The following SERPINF2 variants were observed in gnomAD, a reference collection of about 807,000 sequenced individuals.
The protein encoded by SERPINF2 is alpha-2-antiplasmin.
Under a neutral mutation model 45.0 loss-of-function variants are expected in SERPINF2, and 15 were observed. The ratio of observed to expected loss-of-function variants is 0.33; its 90% CI spans 0.22 to 0.51. SERPINF2 has a LOEUF of 0.51. Ranked by LOEUF, SERPINF2 falls within the 20% of genes least tolerant of loss-of-function variation. SERPINF2 has a pLI of 0.97. For synonymous variants in SERPINF2, 283 were observed against 277.9 expected (o/e 1.02, Z -0.18); for missense variants, 518 against 637.4 (o/e 0.81, Z 2.02).
chr17:1,746,707 G>A (rs762043823), intron 5 of SERPINF2, among the ~76,000 whole-genome samples: 2 of 152,132 alleles, frequency 1.3e-5, no homozygotes, highest in Non-Finnish European at 2.9e-5. Flanking sequence ...GATTACAGGC[G>A]TGAGCCACCG....
chr17:1,750,047 C>T (rs1748257939), intron 8 of SERPINF2, among the ~76,000 whole-genome samples: 1 of 151,870 alleles, frequency 6.6e-6, no homozygotes, highest in Middle Eastern at 3.4e-3. Flanking sequence ...GATCTCGGCT[C>T]ACTGCAGCCT....
intron 9 of SERPINF2, 88 bp downstream of exon 9, chr17:1,752,878 C>A: frequency 1.7e-6 from 2 of 1,174,848 alleles, no homozygotes; most frequent in Non-Finnish European, 2.4e-6. Context: ...GGAGCTGAGT[C>A]AGAGCTGTCC....
At chr17:1,746,877 C>G in intron 5 of SERPINF2, 142 bp from the exon 6 acceptor site, 2 of 1,173,832 alleles carry the variant, frequency 1.7e-6, no homozygotes, top group South Asian at 1.5e-5. Context: ...GTGAGAGCCA[C>G]GCAGAACAGA....
chr17:1,744,847 T>TG (rs1261420888), intron 1 of SERPINF2, 145 bp from the exon 2 acceptor site: 2 of 1,532,342 alleles, frequency 1.3e-6, no homozygotes, highest in African/African-American at 1.4e-5. Flanking sequence ...CTCGTGTGTT[T>TG]GGGGTCTGTT....
At chr17:1,748,302 TAAAA>T (rs552756412) in intron 7 of SERPINF2, among the ~76,000 whole-genome samples, 1 of 140,954 alleles carries the variant, frequency 7.1e-6, no homozygotes. Context: ...AGACTCCGTC[TAAAA>T]AAAAAAAAAA....
At chr17:1,752,929 G>C (rs1336487005) in intron 9 of SERPINF2, 139 bp downstream of exon 9, 20 of 743,142 alleles carry the variant, frequency 2.7e-5, no homozygotes, top group Non-Finnish European at 3.9e-5. Flanking sequence ...GCGGGGAGAG[G>C]GTTGAATATG....
Position 1,745,258 on chromosome 17 carries a change from GT to G in SERPINF2, c.102+46del. 1 of 1,596,258 alleles carries G rather than the reference GT, an allele frequency of 6.3e-7. No individual in the cohort carries two copies. The highest frequency in any genetic ancestry group is 8.5e-7 in the Non-Finnish European group (1 of 1,171,980). ...CTGTGATGGGGGGAAGGTCCCGGGG[GT>G]CTCACTGGTGGCTTGGGCAGGGTGG... is the stretch of plus-strand genomic sequence containing the variant. On this transcript the variant is annotated intron_variant, in intron 3 of 9. Coordinates refer to ENST00000453066, the MANE Select transcript of SERPINF2 (RefSeq NM_000934.4). The surrounding 1 kb of genome is among the most constrained non-coding windows in gnomAD (Gnocchi z 6.2).
Position 1,754,495 on chromosome 17 carries a change from C to A in SERPINF2, c.1437C>A (p.Pro479=). Residue 479 remains proline (P), a synonymous_variant, in exon 10 of 10, where the codon CCC becomes CCA. Transcript: ENST00000453066. ...LFGPDLKLVP[P]MEEDYPQFGS... ...GCCCTGACTTAAAACTTGTGCCCCC[C>A]ATGGAGGAGGATTACCCCCAGTTTG... 1 of 1,610,718 alleles carries A rather than the reference C, an allele frequency of 6.2e-7. No homozygotes were observed. Among genetic ancestry groups the A allele is most frequent in the Non-Finnish European group, 8.5e-7 (1 of 1,178,714 alleles).
At chr17:1,750,281 T>C (rs944264732) in intron 8 of SERPINF2, among the ~76,000 whole-genome samples, 2 of 152,110 alleles carry the variant, frequency 1.3e-5, no homozygotes, top group African/African-American at 2.4e-5. Flanking sequence ...CCCGAGTAGC[T>C]TGGACTACAG....
At position 1,745,012 on chromosome 17, in the gene SERPINF2, G is replaced by T; in HGVS notation, c.17G>T (p.Gly6Val). The change falls in exon 2 of 10, where the codon GGG (glycine) becomes GTG (valine). Residue 6 changes from glycine (G) to valine (V), a missense_variant. Transcript: ENST00000453066. This position sits in a 1 kb window ranked among gnomAD's most constrained non-coding sequence, Gnocchi z 6.2. The part of the protein sequence containing the change: MALLW[G>V]LLVLSWSCLQ... ...CACAGGAACATGGCGCTGCTCTGGG[G>T]GCTCCTGGTGCTCAGCTGGTCCTGC... The T allele has an allele frequency of 6.2e-7, 1 of 1,613,852 alleles. No individual in the cohort carries two copies. The highest frequency in any genetic ancestry group is 8.5e-7 in the Non-Finnish European group (1 of 1,180,018).
rs149664001 is a variant in SERPINF2, at chr17:1,750,338, G to A, written c.858+1598G>A. Among the ~76,000 whole-genome samples, 805 of 152,064 alleles carry A rather than the reference G, an allele frequency of 5.3e-3. 32 individuals carry two copies. The East Asian group carries it at 0.1, about 20-fold the overall frequency. ...TAATTTTTGTATTTTTAGTAGAGACGGGGTTTCACCATATTGGCCAGGATG... is the reference window on the plus strand; with the variant it reads ...TAATTTTTGTATTTTTAGTAGAGACAGGGTTTCACCATATTGGCCAGGATG... On this transcript the variant is annotated intron_variant, in intron 8 of 9. Coordinates refer to ENST00000453066, the MANE Select transcript of SERPINF2 (RefSeq NM_000934.4).
intron 1 of SERPINF2, among the ~76,000 whole-genome samples, chr17:1,744,321 C>A (rs183238697): frequency 2.0e-5 from 3 of 151,908 alleles, no homozygotes; most frequent in Admixed American, 1.3e-4. Flanking sequence ...AGAGAAACCC[C>A]GTTTCTACTA....
intron 8 of SERPINF2, among the ~76,000 whole-genome samples, chr17:1,752,145 G>A (rs966875144): frequency 1.3e-4 from 19 of 151,090 alleles, no homozygotes; most frequent in African/African-American, 3.9e-4. Flanking sequence ...TCTGCCTCCC[G>A]GGTTCAAGCA....
rs1310159441 is a variant in SERPINF2 at position 1,754,321 on chromosome 17, G to A, written c.1263G>A (p.Glu421=). Residue 421 remains glutamate, a synonymous_variant, in exon 10 of 10, where the codon GAG becomes GAA. Transcript: ENST00000453066. ...GCCCCTTCCTCTTCTTCATCTTCGA[G>A]GACACCACAGGCCTTCCCCTCTTCG... is the stretch of plus-strand genomic sequence containing the variant. ...VNRPFLFFIF[E]DTTGLPLFVG... is the part of the protein sequence containing the mutation. 2 of 1,614,188 alleles carry A rather than the reference G, an allele frequency of 1.2e-6. No individual in the cohort carries two copies. Among genetic ancestry groups the A allele is most frequent in the Non-Finnish European group, 1.7e-6 (2 of 1,180,046 alleles).
chr17:1,748,527 C>G (rs1048165333), intron 7 of SERPINF2, 71 bp from the exon 8 acceptor site: 32 of 1,588,304 alleles, frequency 2.0e-5, no homozygotes, highest in Non-Finnish European at 2.7e-5. Flanking sequence ...TGGTCCCCAT[C>G]GACGTGACCC....
In SERPINF2 at chr17:1,754,525, C is replaced by T. The variant is rs1312149613; in HGVS notation, c.1467C>T (p.Ser489=). ...PMEEDYPQFG[S]PK ...AGGAGGATTACCCCCAGTTTGGCAG[C>T]CCCAAGTGAGGGGCCGTGGCTGTGG... Residue 489 remains serine, a synonymous_variant, in exon 10 of 10, where the codon AGC becomes AGT. Transcript: ENST00000453066. 6.2e-7 allele frequency: 1 copy of T among 1,609,216 alleles called. No individual in the cohort carries two copies. Among genetic ancestry groups the T allele is most frequent in the Admixed American group, 1.7e-5 (1 of 59,786 alleles).
chr17:1,745,243 G>T lies in SERPINF2; in HGVS notation c.102+30G>T. On this transcript the variant is annotated intron_variant, in intron 3 of 9. Coordinates refer to ENST00000453066, the MANE Select transcript of SERPINF2 (RefSeq NM_000934.4). The surrounding 1 kb of genome is among the most constrained non-coding windows in gnomAD (Gnocchi z 6.2). Reference sequence around the variant, plus strand: ...TGGGGAGTGAGGAGCCTGTGATGGGGGGAAGGTCCCGGGGGTCTCACTGGT... The same window carrying T: ...TGGGGAGTGAGGAGCCTGTGATGGGTGGAAGGTCCCGGGGGTCTCACTGGT... 1 of 1,584,814 alleles carries T rather than the reference G, an allele frequency of 6.3e-7. No individual in the cohort carries two copies. The highest frequency in any genetic ancestry group is 8.6e-7 in the Non-Finnish European group (1 of 1,166,144).
chr17:1,748,574 C>T, intron 7 of SERPINF2, 24 bp from the exon 8 acceptor site: 1 of 1,611,746 alleles, frequency 6.2e-7, no homozygotes, highest in Non-Finnish European at 8.5e-7. Flanking sequence ...GTCGACGTGA[C>T]CCCTGCCCTC....
chr17:1,752,771 G>A lies in SERPINF2; in HGVS notation c.1044G>A (p.Val348=). Residue 348 remains valine (V), a synonymous_variant, in exon 9 of 10, where the codon GTG becomes GTA. Coordinates refer to ENST00000453066, the MANE Select transcript of SERPINF2 (RefSeq NM_000934.4). ...KLYLKHQMDL[V]ATLSQLGLQE... is the part of the protein sequence containing the mutation. ...ATCTGAAACACCAAATGGACCTGGT[G>A]GCCACCCTCAGCCAGCTGGGTAAGG... The A allele has an allele frequency of 6.2e-7, 1 of 1,612,066 alleles. No homozygotes were observed. The highest frequency in any genetic ancestry group is 8.5e-7 in the Non-Finnish European group (1 of 1,179,366).
Sources: gnomAD v4.1 joint callset for allele counts (sites outside exome capture counted in the v4.1 genomes callset) on GRCh38, gnomAD v4.1.1 for gene constraint, Gnocchi (gnomAD v3.1) non-coding constraint, MANE v1.5 for transcripts, NCBI Gene and HGNC (gene_info 2026-07-23, HGNC 2026-07-21) for gene names.